The following COL18A1 variants were observed in gnomAD, a reference collection of about 807,000 sequenced individuals.
COL18A1 encodes collagen type XVIII alpha 1 chain, also known as collagen alpha-1(XVIII) chain.
A neutral mutation model predicts 168.0 loss-of-function variants in COL18A1; 133 were observed. The ratio of observed to expected loss-of-function variants is 0.79; its 90% CI spans 0.69 to 0.91. COL18A1 has a LOEUF of 0.91. Ranked by LOEUF, COL18A1 falls within the 40% of genes least tolerant of loss-of-function variation. The pLI is 0.00. For synonymous variants in COL18A1, 949 were observed against 809.0 expected, an observed-to-expected ratio of 1.17 and a Z score of -2.94; for missense variants, 2,126 against 1,925.4, an observed-to-expected ratio of 1.10 and a Z score of -1.95.
chr21:45,494,778 G>A (rs1189551749), intron 27 of COL18A1, 84 bp from the exon 28 acceptor site: 3 of 1,337,070 alleles, frequency 2.2e-6, no homozygotes, highest in Non-Finnish European at 3.2e-6. Flanking sequence ...GCTCTGCATG[G>A]CCCCTCCCCT....
chr21:45,504,927 G>C (rs1763512311), intron 34 of COL18A1, among the ~76,000 whole-genome samples: 1 of 150,024 alleles, frequency 6.7e-6, no homozygotes, highest in African/African-American at 2.5e-5. Flanking sequence ...TCAGGTCTCT[G>C]CTGGTCTCTC....
intron 14 of COL18A1, 87 bp downstream of exon 14, chr21:45,482,112 AGG>A: frequency 9.6e-7 from 1 of 1,037,336 alleles, no homozygotes; most frequent in Non-Finnish European, 1.5e-6. Flanking sequence ...ACGCCCGTGA[AGG>A]GGAAATGCCA....
Position 45,498,352 on chromosome 21 carries a change from G to C in COL18A1, c.2683+691G>C, listed in dbSNP as rs761722876. ...CGCCAGGGTCCCCTCTCACCGCCAG[G>C]GTTCCCTCTCGCCACCACGGTCCCC... On this transcript the variant is annotated intron_variant, in intron 32 of 41. Coordinates refer to ENST00000651438, the MANE Select transcript of COL18A1 (RefSeq NM_001379500.1). This position sits in a 1 kb window ranked among gnomAD's most constrained non-coding sequence, Gnocchi z 4.5. The C allele has an allele frequency of 3.3e-5, 21 of 628,326 alleles. No individual in the cohort carries two copies. In the South Asian group the frequency reaches 3.4e-4, roughly 10 times the overall value. 38.9% of individuals were successfully genotyped at this position (628,326 alleles called of 1,614,324 possible). A position where few individuals can be genotyped will look rare whatever the true frequency, so the allele number is the denominator to read the frequency against.
In COL18A1 at chr21:45,455,959, G is replaced by T. The variant is rs751138469; in HGVS notation, c.107-12283G>T. ...AGAGCTTGGCCAGGGCGGAAACCCT[G>T]GTCCTGGAGACTCCTGTGGGCCCCC... On this transcript the variant is annotated intron_variant, in intron 2 of 41. Transcript: ENST00000651438. 1.6e-5 allele frequency: 26 copies of T among 1,612,976 alleles called. No individual in the cohort carries two copies. The highest frequency in any genetic ancestry group is 1.9e-5 in the Non-Finnish European group (23 of 1,180,020).
Position 45,501,107 on chromosome 21 carries a change from GGTGT to G in COL18A1, c.2684-2888_2684-2885del, listed in dbSNP as rs34746806. 4.1e-4 allele frequency among the ~76,000 whole-genome samples: 25 copies of G among 60,398 alleles called. 2 individuals are homozygous for G. Among genetic ancestry groups the G allele is most frequent in the Non-Finnish European group, 8.1e-4 (22 of 27,042 alleles). 39.6% of individuals were successfully genotyped at this position (60,398 alleles called of 152,430 possible). On this transcript the variant is annotated intron_variant, in intron 32 of 41. Transcript: ENST00000651438. ...GGTGTGGAGTGTGGGGGTGTGGTTTGGTGTGTGTGTGTGTGTGTGCAAAGTATAT... is the reference window on the plus strand; with the variant it reads ...GGTGTGGAGTGTGGGGGTGTGGTTTGGTGTGTGTGTGTGTGCAAAGTATAT...
intron 2 of COL18A1, among the ~76,000 whole-genome samples, chr21:45,442,136 G>A (rs1468721208): frequency 5.9e-5 from 9 of 152,282 alleles, no homozygotes; most frequent in East Asian, 5.8e-4. Context: ...AGTGGGTGGC[G>A]CTGCCCTGTT....
At chr21:45,437,882 T>C (rs2034221310) in intron 2 of COL18A1, among the ~76,000 whole-genome samples, 1 of 51,516 alleles carries the variant, frequency 1.9e-5, no homozygotes, top group Non-Finnish European at 3.2e-5. Context: ...ACACAGGCAC[T>C]CTCCTGCACA....
chr21:45,500,485 TGTTGC>T (rs2036735028), intron 32 of COL18A1, among the ~76,000 whole-genome samples: 2 of 66,962 alleles, frequency 3.0e-5, no homozygotes, highest in African/African-American at 1.4e-4. Flanking sequence ...TGGTTTGGTG[TGTTGC>T]GTGTGTAGTG....
At chr21:45,455,640 A>C in intron 2 of COL18A1, 1 of 1,613,914 alleles carries the variant, frequency 6.2e-7, no homozygotes, top group Non-Finnish European at 8.5e-7. Context: ...AATAATGAGG[A>C]CACCAGCCAT....
chr21:45,487,002 G>A lies in COL18A1; in HGVS notation c.1833+10G>A, dbSNP rs374604062. The A allele has an allele frequency of 5.9e-5, 89 of 1,513,694 alleles. No individual in the cohort carries two copies. The highest frequency in any genetic ancestry group is 2.4e-4 in the Middle Eastern group (1 of 4,116). The allele number at this position is 1,513,694 out of a possible 1,614,324, so 93.8% of individuals were successfully genotyped here. A position where few individuals can be genotyped will look rare whatever the true frequency, so the allele number is the denominator to read the frequency against. The stretch of plus-strand genomic sequence containing the variant: ...ACTCCCCGCTGGATTTGTGAGTACC[G>A]CCTACACCTGACCCCCTGGAGAGCC... On this transcript the variant is annotated intron_variant, in intron 16 of 41. Coordinates refer to ENST00000651438, the MANE Select transcript of COL18A1 (RefSeq NM_001379500.1).
chr21:45,456,735 C>T lies in COL18A1; in HGVS notation c.107-11507C>T, dbSNP rs866834043. ...GTCCCCCCATGCGGCAGCGTCCCGC[C>T]GCCCGCCCCGCCACCCTGCTGCCAG... On this transcript the variant is annotated intron_variant, in intron 2 of 41. Transcript: ENST00000651438. 15 of 1,534,658 alleles carry T rather than the reference C, an allele frequency of 9.8e-6. 1 individual carries two copies. Among genetic ancestry groups the T allele is most frequent in the Middle Eastern group, 3.4e-4 (2 of 5,970 alleles).
chr21:45,490,375 AG>A (rs746774357), intron 20 of COL18A1, 29 bp downstream of exon 20: 20 of 1,524,608 alleles, frequency 1.3e-5, no homozygotes, highest in South Asian at 1.2e-4. Context: ...CCCAGGGTGC[AG>A]GGGGGGCGTG....
intron 2 of COL18A1, among the ~76,000 whole-genome samples, chr21:45,433,568 T>C (rs8129252): frequency 0.8 from 121,564 of 152,174 alleles, 48,711 homozygotes; most frequent in Middle Eastern, 0.85. Context: ...CGCGTGGCTG[T>C]CGTGGCCCCT....
intron 2 of COL18A1, among the ~76,000 whole-genome samples, chr21:45,411,863 C>T (rs189381354): frequency 5.1e-4 from 78 of 151,944 alleles, no homozygotes; most frequent in Non-Finnish European, 8.8e-5. Context: ...GCGGCCCAAA[C>T]GGCCAGGCTG....
At chr21:45,504,256 G>A in intron 33 of COL18A1, 160 bp from the exon 34 acceptor site, 2 of 872,732 alleles carry the variant, frequency 2.3e-6, no homozygotes, top group Non-Finnish European at 3.6e-6. Context: ...GGCTGATGCA[G>A]TGGGAGGTGG....
rs555348200 is a variant in COL18A1 at position 45,465,403 on chromosome 21, T to G, written c.107-2839T>G. On this transcript the variant is annotated intron_variant, in intron 2 of 41. Coordinates refer to ENST00000651438, the MANE Select transcript of COL18A1 (RefSeq NM_001379500.1). ...GCCTTCCGTGGGGGCTCTGCAGCCT[T>G]GGGATTTGGTGGAGGTGTTTGTTCT... 3.9e-5 allele frequency among the ~76,000 whole-genome samples: 6 copies of G among 152,244 alleles called. No homozygotes were observed. In the East Asian group the frequency reaches 1.2e-3, roughly 29 times the overall value.
chr21:45,412,099 C>T (rs1313146130), intron 2 of COL18A1, among the ~76,000 whole-genome samples: 1 of 152,166 alleles, frequency 6.6e-6, no homozygotes, highest in Admixed American at 6.5e-5. Flanking sequence ...GCCCACTGCC[C>T]TGCAGGTGCA....
chr21:45,452,029 C>T (rs374222737), intron 2 of COL18A1, among the ~76,000 whole-genome samples: 36 of 152,362 alleles, frequency 2.4e-4, no homozygotes, highest in African/African-American at 8.7e-4. Flanking sequence ...ACCGAGGAGC[C>T]GCAGGGAAAC....
chr21:45,512,583 T>A lies in COL18A1; in HGVS notation c.*185T>A. On this transcript the variant is annotated 3_prime_UTR_variant, in exon 42 of 42. Coordinates refer to ENST00000651438, the MANE Select transcript of COL18A1 (RefSeq NM_001379500.1). ...CAAAGAGTGTATTTTTTTAAAAGTT[T>A]AAAACAGAAGCCTGATGCTGACATT... The A allele has an allele frequency of 1.5e-6, 1 of 645,970 alleles. No homozygotes were observed. 40.0% of individuals were successfully genotyped at this position (645,970 alleles called of 1,614,324 possible).
Sources: gnomAD v4.1 joint callset for allele counts (sites outside exome capture counted in the v4.1 genomes callset) on GRCh38, gnomAD v4.1.1 for gene constraint, Gnocchi (gnomAD v3.1) non-coding constraint, MANE v1.5 for transcripts, NCBI Gene and HGNC (gene_info 2026-07-23, HGNC 2026-07-21) for gene names.